Variants in CHRNA2 observed in about 807,000 individuals in gnomAD.
CHRNA2 encodes neuronal acetylcholine receptor subunit alpha-2.
Under a neutral mutation model 45.5 loss-of-function variants are expected in CHRNA2, and 40 were observed. That is an observed-to-expected ratio of 0.88 (90% CI 0.68 to 1.15). The LOEUF (loss-of-function observed/expected upper bound fraction) is 1.15, where lower values mean the gene tolerates loss of function less well. Among genes scored for constraint, CHRNA2 ranks in the 50% most tolerant of loss-of-function variants. The pLI is 0.00. For missense variants in CHRNA2, 655 were observed against 701.7 expected, an observed-to-expected ratio of 0.93 and a Z score of 0.75; for synonymous variants, 301 against 296.7, an observed-to-expected ratio of 1.01 and a Z score of -0.15.
chr8:27,466,837 G>C (rs1812711473), intron 5 of CHRNA2, among the ~76,000 whole-genome samples: 1 of 152,208 alleles, frequency 6.6e-6, no homozygotes, highest in Non-Finnish European at 1.5e-5. Context: ...TGCATACCAA[G>C]TGAGCACATG....
At position 27,469,161 on chromosome 8, in the gene CHRNA2, C is replaced by A. The variant is rs143579900; in HGVS notation, c.339+174G>T. The stretch of plus-strand genomic sequence containing the variant: ...GACTCCAGTCTAGCCACAAAGAGCA[C>A]AGGCCCTGTGGAAAAAGTCAGCTTT... On this transcript the variant is annotated intron_variant, in intron 4 of 6. Transcript: ENST00000407991. Among the ~76,000 whole-genome samples, 13 of 152,326 alleles carry A rather than the reference C, an allele frequency of 8.5e-5. No homozygotes were observed. The East Asian group carries it at 1.7e-3, about 20-fold the overall frequency.
rs1405035752 is a variant in CHRNA2, at chr8:27,463,125, C to T, written c.1318G>A (p.Gly440Ser). ...CCTGAGGCCCCAGAGTGCAGGTGGC[C>T]GTGGCTGCAGAGGGTGCCCACAGAG... ...APSVGTLCSHGHLHSGASGPK... is the reference protein window; with the variant it reads ...APSVGTLCSHSHLHSGASGPK... Residue 440 changes from glycine to serine, a missense_variant, in exon 6 of 7, where the codon GGC (glycine) becomes AGC (serine). By Grantham distance (56) the Gly-to-Ser change is moderately conservative (BLOSUM62 0). This residue lies in a region of CHRNA2 where 295 missense variants were observed against 280.4 expected (regional missense o/e 1.05). Coordinates refer to ENST00000407991, the MANE Select transcript of CHRNA2 (RefSeq NM_000742.4). This position sits in a 1 kb window ranked among gnomAD's most constrained non-coding sequence, Gnocchi z 6.1. The T allele has an allele frequency of 4.4e-6, 7 of 1,607,484 alleles. No individual in the cohort carries two copies. Among genetic ancestry groups the T allele is most frequent in the South Asian group, 2.2e-5 (2 of 90,944 alleles).
chr8:27,468,466 C>T (rs1458456282), intron 4 of CHRNA2, among the ~76,000 whole-genome samples: 2 of 152,226 alleles, frequency 1.3e-5, no homozygotes, highest in African/African-American at 4.8e-5. Flanking sequence ...TCTAACTGGG[C>T]TCTATGACTG....
In CHRNA2 at chr8:27,469,848, G is replaced by A. The variant is rs2080460682; in HGVS notation, c.207C>T (p.Gly69=). 6.2e-7 allele frequency: 1 copy of A among 1,614,050 alleles called. No homozygotes were observed. The highest frequency in any genetic ancestry group is 1.1e-5 in the South Asian group (1 of 91,088). The change falls in exon 3 of 7, where the codon GGC becomes GGT. Residue 69 remains glycine (G), a synonymous_variant. Transcript: ENST00000407991. ...GCACCGGGCGCGCCCAGCGGTTGTAGCCCCGGAAGAGGTGTTTGAAGAGCC... is the reference window on the plus strand; with the variant it reads ...GCACCGGGCGCGCCCAGCGGTTGTAACCCCGGAAGAGGTGTTTGAAGAGCC... ...EDRLFKHLFR[G]YNRWARPVPN...
intron 5 of CHRNA2, among the ~76,000 whole-genome samples, chr8:27,464,525 T>A (rs1314537396): frequency 2.0e-5 from 3 of 151,854 alleles, no homozygotes; most frequent in Non-Finnish European, 4.4e-5. Context: ...TCAAAGGCAG[T>A]TTTGGGGAAG....
chr8:27,461,803 A>T (rs2132646771), intron 6 of CHRNA2, 49 bp from the exon 7 acceptor site: 2 of 1,613,082 alleles, frequency 1.2e-6, no homozygotes, highest in Admixed American at 3.3e-5. Flanking sequence ...TGGGAAAGGG[A>T]TGTGTTCCCC....
At chr8:27,466,477 C>A (rs1176916549) in intron 5 of CHRNA2, among the ~76,000 whole-genome samples, 1 of 152,120 alleles carries the variant, frequency 6.6e-6, no homozygotes, top group Non-Finnish European at 1.5e-5. Flanking sequence ...ACAATGTTAT[C>A]CAAAATTACT....
intron 1 of CHRNA2, among the ~76,000 whole-genome samples, chr8:27,474,237 G>T (rs542553195): frequency 3.3e-5 from 5 of 152,292 alleles, no homozygotes; most frequent in African/African-American, 1.2e-4. Flanking sequence ...GAATTTCAAT[G>T]TGTTGGAATT....
intron 4 of CHRNA2, 85 bp from the exon 5 acceptor site, chr8:27,467,423 T>C: frequency 9.1e-7 from 1 of 1,103,404 alleles, no homozygotes; most frequent in Non-Finnish European, 1.4e-6. Context: ...ATGCCCAGAA[T>C]TGGGCCAAGC....
In CHRNA2 at chr8:27,463,340, C is replaced by A. The variant is rs765772636; in HGVS notation, c.1103G>T (p.Gly368Val). The change falls in exon 6 of 7, where the codon GGG becomes GTG. Residue 368 changes from glycine (G) to valine (V), a missense_variant. By Grantham distance (109) the Gly-to-Val change is moderately radical. This residue lies in a region of CHRNA2 where 295 missense variants were observed against 280.4 expected (regional missense o/e 1.05). Transcript: ENST00000407991. This position sits in a 1 kb window ranked among gnomAD's most constrained non-coding sequence, Gnocchi z 6.1. ...CCGGGGCACACAGCCCAGAAGGGCCCCCCGCACCCAGTGGGGCATGGTGTG... is the reference window on the plus strand; with the variant it reads ...CCGGGGCACACAGCCCAGAAGGGCCACCCGCACCCAGTGGGGCATGGTGTG... Reference protein sequence around the residue: ...STHTMPHWVRGALLGCVPRWL... With the variant: ...STHTMPHWVRVALLGCVPRWL... 9.9e-6 allele frequency: 16 copies of A among 1,613,894 alleles called. No homozygotes were observed. Among genetic ancestry groups the A allele is most frequent in the Non-Finnish European group, 5.1e-6 (6 of 1,180,014 alleles).
intron 1 of CHRNA2, chr8:27,475,572 TGGGTACG>T (rs1813036058): frequency 6.5e-6 from 1 of 152,710 alleles, no homozygotes; most frequent in Non-Finnish European, 1.5e-5. Context: ...TATTGTTCAA[TGGGTACG>T]GAGTTTCATT....
At chr8:27,462,924 C>G in intron 6 of CHRNA2, 55 bp downstream of exon 6, 1 of 1,610,444 alleles carries the variant, frequency 6.2e-7, no homozygotes, top group Non-Finnish European at 8.5e-7. Context: ...TAAGGTGGTT[C>G]CCCGCTAAGT....
chr8:27,469,436 A>AG lies in CHRNA2; in HGVS notation c.295-58dup. 9.9e-6 allele frequency: 15 copies of AG among 1,521,218 alleles called. 1 individual carries two copies. The South Asian group carries it at 1.8e-4, about 18-fold the overall frequency. The allele number at this position is 1,521,218 out of a possible 1,614,324, so 94.2% of individuals were successfully genotyped here. On this transcript the variant is annotated intron_variant, in intron 3 of 6. Coordinates refer to ENST00000407991, the MANE Select transcript of CHRNA2 (RefSeq NM_000742.4). ...AGGGGTGGGCCCAGCCCCAGAAGAC[A>AG]GGGTGGAGTGGGATGGGCTGTTTTC... is the stretch of plus-strand genomic sequence containing the variant.
intron 6 of CHRNA2, among the ~76,000 whole-genome samples, chr8:27,462,296 T>G (rs1006941154): frequency 6.6e-5 from 10 of 152,256 alleles, no homozygotes; most frequent in Admixed American, 6.5e-4. Flanking sequence ...ACATCATGAT[T>G]AATTTTCTTG....
At chr8:27,465,748 G>A (rs1812678988) in intron 5 of CHRNA2, among the ~76,000 whole-genome samples, 1 of 152,150 alleles carries the variant, frequency 6.6e-6, no homozygotes, top group African/African-American at 2.4e-5. Context: ...AAATTTTTAA[G>A]CATTTTGTTT....
In CHRNA2 at chr8:27,461,690, A is replaced by G. The variant is rs1812494361; in HGVS notation, c.1529T>C (p.Ile510Thr). ...IDRIFLWLFI[I>T]VCFLGTIGLF... is the part of the protein sequence containing the mutation. ...GCCGATGGTCCCCAGGAAGCAGACG[A>G]TGATAAACAGCCAGAGGAAGATCCT... is the stretch of plus-strand genomic sequence containing the variant. The change falls in exon 7 of 7, where the codon ATC (isoleucine) becomes ACC (threonine). Residue 510 changes from isoleucine to threonine, a missense_variant. Physicochemically the swap from Ile to Thr is moderately conservative, Grantham distance 89. Coordinates refer to ENST00000407991, the MANE Select transcript of CHRNA2 (RefSeq NM_000742.4). 1.9e-6 allele frequency: 3 copies of G among 1,614,258 alleles called. No homozygotes were observed. The highest frequency in any genetic ancestry group is 3.3e-4 in the Middle Eastern group (2 of 6,062).
intron 2 of CHRNA2, 119 bp downstream of exon 2, chr8:27,470,867 C>T: frequency 9.5e-7 from 1 of 1,049,334 alleles, no homozygotes; most frequent in Non-Finnish European, 1.4e-6. Flanking sequence ...GGCTGATGGC[C>T]TCTGAAGTCC....
chr8:27,477,651 T>C (rs1482150454), intron 1 of CHRNA2, among the ~76,000 whole-genome samples: 1 of 152,068 alleles, frequency 6.6e-6, no homozygotes, highest in African/African-American at 2.4e-5. Flanking sequence ...TTCCAGGTGA[T>C]TGACAGTAAT....
rs116429685 is a variant in CHRNA2, at chr8:27,462,637, G to A, written c.1464+342C>T. Among the ~76,000 whole-genome samples, 863 of 152,282 alleles carry A rather than the reference G, an allele frequency of 5.7e-3. 7 individuals are homozygous for A. The highest frequency in any genetic ancestry group is 0.02 in the African/African-American group (843 of 41,558). On this transcript the variant is annotated intron_variant, in intron 6 of 6. Transcript: ENST00000407991. ...GGGTCTCTCCTGAAATGCTCCCCCT[G>A]CCTGCCGCCACCTCCAAGGCAATGG...
Sources: gnomAD v4.1 joint callset for allele counts (sites outside exome capture counted in the v4.1 genomes callset) on GRCh38, gnomAD v4.1.1 for gene constraint, gnomAD v4.1.1 regional missense constraint, Gnocchi (gnomAD v3.1) non-coding constraint, MANE v1.5 for transcripts, NCBI Gene and HGNC (gene_info 2026-07-23, HGNC 2026-07-21) for gene names.